The following METAP1 variants were observed in gnomAD, a reference collection of about 807,000 sequenced individuals.
METAP1 encodes methionine aminopeptidase 1.
METAP1 carries 28 observed loss-of-function variants against 53.8 expected under a neutral mutation model. The ratio of observed to expected loss-of-function variants is 0.52; its 90% CI spans 0.39 to 0.71. The LOEUF is 0.71. METAP1 is among the 30% of genes least tolerant of loss of function. The pLI, the probability that METAP1 is intolerant of heterozygous loss-of-function variation, is 0.00. For missense variants in METAP1, 389 were observed against 479.8 expected (o/e 0.81, Z 1.77); for synonymous variants, 181 against 165.7 (o/e 1.09, Z -0.71).
intron 1 of METAP1, chr4:99,023,218 T>C: frequency 2.1e-6 from 1 of 473,068 alleles, no homozygotes; most frequent in Non-Finnish European, 3.6e-6. Flanking sequence ...CAATTTAACC[T>C]ATTTTATATT....
In METAP1 at chr4:99,062,215, G is replaced by C. The variant is rs896276275; in HGVS notation, c.*898G>C. The C allele has an allele frequency of 6.6e-6, 1 of 152,252 alleles. No homozygotes were observed. The highest frequency in any genetic ancestry group is 2.4e-5 in the African/African-American group (1 of 41,464). 9.4% of individuals were successfully genotyped at this position (152,252 alleles called of 1,614,324 possible). On this transcript the variant is annotated 3_prime_UTR_variant, in exon 11 of 11. Transcript: ENST00000296411. ...AGAGAAGCGTGAAGTTTGCACTATG[G>C]TGGAGGATGGGGAAAGAGTTCTAAA...
chr4:99,048,859 A>G lies in METAP1; in HGVS notation c.914A>G (p.Asn305Ser), dbSNP rs551630850. ...CACAAGCTTTTTCATACAGCTCCCA[A>G]TGTACCCCACTATGCTAGTAAGTAC... is the stretch of plus-strand genomic sequence containing the variant. ...GIHKLFHTAP[N>S]VPHYAKNKAV... The change falls in exon 9 of 11, where the codon AAT (asparagine) becomes AGT (serine). Residue 305 changes from asparagine to serine, a missense_variant. Transcript: ENST00000296411. The G allele has an allele frequency of 2.4e-5, 38 of 1,614,012 alleles. No homozygotes were observed. Among genetic ancestry groups the G allele is most frequent in the African/African-American group, 1.1e-4 (8 of 75,048 alleles).
chr4:99,049,621 A>G (rs1400247343), intron 9 of METAP1, among the ~76,000 whole-genome samples: 2 of 152,186 alleles, frequency 1.3e-5, no homozygotes, highest in African/African-American at 2.4e-5. Flanking sequence ...TCAGGAATGA[A>G]TCTGTTATTT....
intron 9 of METAP1, among the ~76,000 whole-genome samples, chr4:99,055,078 C>T (rs1307387245): frequency 1.3e-5 from 2 of 151,600 alleles, no homozygotes; most frequent in Non-Finnish European, 2.9e-5. Context: ...TGCCACAAAT[C>T]TTCAATTTAT....
chr4:99,022,787 C>G, intron 1 of METAP1: 4 of 1,598,994 alleles, frequency 2.5e-6, no homozygotes. Flanking sequence ...CTTGGCTATG[C>G]GCTTGTCACG....
Position 99,048,803 on chromosome 4 carries a change from A to C in METAP1, c.858A>C (p.Ser286=). 1 of 1,613,968 alleles carries C rather than the reference A, an allele frequency of 6.2e-7. No individual in the cohort carries two copies. The part of the protein sequence containing the change: ...IQKHAQANGF[S]VVRSYCGHGI... Reference sequence around the variant, plus strand: ...AGCATGCCCAAGCAAATGGGTTTTCAGTTGTTCGAAGCTATTGTGGGCATG... The same window carrying C: ...AGCATGCCCAAGCAAATGGGTTTTCCGTTGTTCGAAGCTATTGTGGGCATG... The change falls in exon 9 of 11, where the codon TCA becomes TCC. Residue 286 remains serine (S), a synonymous_variant. Coordinates refer to ENST00000296411, the MANE Select transcript of METAP1 (RefSeq NM_015143.3).
At chr4:99,038,801 G>A (rs755488563) in intron 4 of METAP1, among the ~76,000 whole-genome samples, 12 of 152,042 alleles carry the variant, frequency 7.9e-5, no homozygotes, top group Non-Finnish European at 1.3e-4. Context: ...TATAAATAAA[G>A]ATTTCATGGC....
At chr4:99,009,929 C>T (rs1166481482) in intron 1 of METAP1, among the ~76,000 whole-genome samples, 1 of 152,162 alleles carries the variant, frequency 6.6e-6, no homozygotes, top group East Asian at 1.9e-4. Flanking sequence ...GGTGTTATCT[C>T]CAAACAATCA....
intron 8 of METAP1, among the ~76,000 whole-genome samples, chr4:99,045,653 T>C (rs1726166233): frequency 6.6e-6 from 1 of 152,228 alleles, no homozygotes; most frequent in Non-Finnish European, 1.5e-5. Flanking sequence ...TCATAAAAAA[T>C]TAAAAGTGAA....
At chr4:99,036,057 A>G (rs72908996) in intron 4 of METAP1, 8,824 of 154,384 alleles carry the variant, frequency 0.057, 872 homozygotes, top group African/African-American at 0.2. Context: ...TGATACTGAG[A>G]CACCCAGCGA....
At chr4:99,005,979 C>A in intron 1 of METAP1, 1 of 167,826 alleles carries the variant, frequency 6.0e-6, no homozygotes, top group Non-Finnish European at 1.3e-5. Context: ...AATGTACATA[C>A]TAGGATGACT....
At chr4:98,999,658 G>A (rs1261993715) in intron 1 of METAP1, among the ~76,000 whole-genome samples, 2 of 150,166 alleles carry the variant, frequency 1.3e-5, no homozygotes, top group Non-Finnish European at 3.0e-5. Context: ...TTACAGGTGC[G>A]CACCACCACG....
At chr4:99,005,699 A>G (rs910944224) in intron 1 of METAP1, 1 of 325,962 alleles carries the variant, frequency 3.1e-6, no homozygotes, top group Middle Eastern at 3.9e-4. Flanking sequence ...GGATAAAGCA[A>G]ATTTGATATA....
chr4:99,012,955 T>C (rs1032016151), intron 1 of METAP1, among the ~76,000 whole-genome samples: 4 of 152,170 alleles, frequency 2.6e-5, no homozygotes, highest in Non-Finnish European at 5.9e-5. Flanking sequence ...AGGCAACTTA[T>C]TATCTAGGGG....
chr4:99,037,747 C>T (rs958564223), intron 4 of METAP1: 1 of 151,892 alleles, frequency 6.6e-6, no homozygotes, highest in African/African-American at 2.4e-5. Flanking sequence ...CTTGTTGCCC[C>T]TACCTTTCCT....
intron 10 of METAP1, among the ~76,000 whole-genome samples, chr4:99,060,141 C>A (rs908570497): frequency 2.4e-4 from 37 of 151,918 alleles, no homozygotes; most frequent in African/African-American, 8.7e-4. Context: ...TTTAAATGTA[C>A]AGTTCAATAT....
chr4:99,010,781 C>T (rs1231337889), intron 1 of METAP1, among the ~76,000 whole-genome samples: 4 of 152,172 alleles, frequency 2.6e-5, no homozygotes, highest in African/African-American at 4.8e-5. Flanking sequence ...TTAACCTTAT[C>T]GTTTTCAGAT....
intron 1 of METAP1, among the ~76,000 whole-genome samples, chr4:99,025,667 C>T (rs1724511625): frequency 6.6e-6 from 1 of 152,200 alleles, no homozygotes; most frequent in Non-Finnish European, 1.5e-5. Context: ...AATGGACTCT[C>T]CCTCCTTGGC....
chr4:99,012,662 T>G (rs1324556870), intron 1 of METAP1, among the ~76,000 whole-genome samples: 2 of 149,818 alleles, frequency 1.3e-5, no homozygotes, highest in Non-Finnish European at 3.0e-5. Flanking sequence ...GTTTTTTTTT[T>G]TTTTTTTTTT....
Sources: allele counts gnomAD v4.1 joint callset (sites outside exome capture counted in the v4.1 genomes callset), GRCh38; gene constraint gnomAD v4.1.1; transcripts MANE v1.5; gene names NCBI Gene and HGNC (gene_info 2026-07-23, HGNC 2026-07-21).